Variants in RELCH observed in about 807,000 individuals in gnomAD.
The protein encoded by RELCH is RAB11-binding protein RELCH.
In RELCH, 41 loss-of-function variants were observed where a neutral mutation model predicts 150.3. That is an observed-to-expected ratio of 0.27 (90% CI 0.21 to 0.35). The LOEUF (loss-of-function observed/expected upper bound fraction) is 0.35. RELCH is among the 10% of genes least tolerant of loss of function. The pLI, the probability that RELCH is intolerant of heterozygous loss-of-function variation, is 1.00. For synonymous variants in RELCH, 478 were observed against 531.8 expected (o/e 0.90, Z 1.39); for missense variants, 1,092 against 1,467.8 (o/e 0.74, Z 4.18).
At chr18:62,225,917 C>T (rs1183067310) in intron 5 of RELCH, among the ~76,000 whole-genome samples, 1 of 151,754 alleles carries the variant, frequency 6.6e-6, no homozygotes, top group East Asian at 1.9e-4. Flanking sequence ...ATATTTTACT[C>T]ATTTTACAGA....
At chr18:62,266,596 C>A in intron 18 of RELCH, 105 bp from the exon 19 acceptor site, 3 of 648,574 alleles carry the variant, frequency 4.6e-6, no homozygotes, top group Non-Finnish European at 8.1e-6. Flanking sequence ...ATCTATAAAG[C>A]TAAATAAATA....
In RELCH at chr18:62,187,829, G is replaced by A; in HGVS notation, c.324G>A (p.Leu108=). 1 of 1,591,748 alleles carries A rather than the reference G, an allele frequency of 6.3e-7. No individual in the cohort carries two copies. Among genetic ancestry groups the A allele is most frequent in the Non-Finnish European group, 8.6e-7 (1 of 1,169,134 alleles). ...AGCTGTTGCGCGATCAATACTTGCT[G>A]ACCGCCCTGGAGCTGCATACCGAGC... The part of the protein sequence containing the change: ...AAQLLRDQYL[L]TALELHTELL... The change falls in exon 1 of 29, where the codon CTG becomes CTA. Residue 108 remains leucine, a synonymous_variant. Coordinates refer to ENST00000644646, the MANE Select transcript of RELCH (RefSeq NM_001346231.2).
In RELCH at chr18:62,221,095, G is replaced by C; in HGVS notation, c.675G>C (p.Leu225=). The C allele has an allele frequency of 6.2e-7, 1 of 1,613,380 alleles. No homozygotes were observed. The highest frequency in any genetic ancestry group is 8.5e-7 in the Non-Finnish European group (1 of 1,179,558). Residue 225 remains leucine (L), a synonymous_variant, in exon 3 of 29, where the codon CTG becomes CTC. Transcript: ENST00000644646. ...CCATTCAGGCCCTCCGAGCCAACCT[G>C]ACAAAGGCCGCAGGTGGTGTACATA... ...KETIQALRAN[L]TKAAEHEVPL...
intron 1 of RELCH, among the ~76,000 whole-genome samples, chr18:62,203,985 A>C (rs1371687603): frequency 2.0e-5 from 3 of 152,154 alleles, no homozygotes; most frequent in Non-Finnish European, 4.4e-5. Context: ...TCTCAAAAAA[A>C]CAGCAAGATA....
rs770308118 is a variant in RELCH at position 62,244,879 on chromosome 18, G to A, written c.1733+3G>A. 80 of 1,570,260 alleles carry A rather than the reference G, an allele frequency of 5.1e-5. No individual in the cohort carries two copies. In the South Asian group the frequency reaches 8.5e-4, roughly 17 times the overall value. On this transcript the variant is annotated splice_donor_region_variant and intron_variant, in intron 11 of 28. Coordinates refer to ENST00000644646, the MANE Select transcript of RELCH (RefSeq NM_001346231.2). ...AAGAGGCCAGATGATGAGCAAAGGT[G>A]GGTATGATTACATATGTGAAAAAGA...
intron 22 of RELCH, 47 bp from the exon 23 acceptor site, chr18:62,279,727 C>T (rs1432635823): frequency 3.9e-6 from 5 of 1,280,354 alleles, no homozygotes; most frequent in Non-Finnish European, 4.4e-6. Context: ...ACTGTGTTTG[C>T]TCTTTCCGTG....
chr18:62,269,092 T>C, intron 20 of RELCH, 144 bp downstream of exon 20: 1 of 429,484 alleles, frequency 2.3e-6, no homozygotes, highest in Non-Finnish European at 4.2e-6. Flanking sequence ...TTATAATGGA[T>C]AGCATATTTG....
chr18:62,283,338 T>C (rs1431299554), intron 25 of RELCH, among the ~76,000 whole-genome samples: 2 of 152,210 alleles, frequency 1.3e-5, no homozygotes, highest in African/African-American at 4.8e-5. Flanking sequence ...CACAATTTCT[T>C]TGGATAGCAT....
intron 25 of RELCH, chr18:62,286,087 C>T (rs1475052132): frequency 6.6e-6 from 1 of 152,200 alleles, no homozygotes; most frequent in East Asian, 1.9e-4. Flanking sequence ...GTGATTGTTG[C>T]ATTTCTGAGA....
At position 62,244,513 on chromosome 18, in the gene RELCH, A is replaced by G. The variant is rs755227853; in HGVS notation, c.1621-251A>G. ...CTAGTGGGCCCTTGGGAAGTACTAG[A>G]TTAAAAACCAAGGCTAGTTGAATCT... is the stretch of plus-strand genomic sequence containing the variant. On this transcript the variant is annotated intron_variant, in intron 10 of 28. Coordinates refer to ENST00000644646, the MANE Select transcript of RELCH (RefSeq NM_001346231.2). 1.4e-4 allele frequency among the ~76,000 whole-genome samples: 22 copies of G among 152,336 alleles called. No individual in the cohort carries two copies. In the South Asian group the frequency reaches 2.1e-3, roughly 14 times the overall value.
intron 27 of RELCH, among the ~76,000 whole-genome samples, chr18:62,297,240 A>G (rs1008344520): frequency 2.6e-5 from 4 of 152,200 alleles, no homozygotes; most frequent in African/African-American, 9.7e-5. Flanking sequence ...GCTGGCTGTC[A>G]GGTTTATACC....
intron 25 of RELCH, among the ~76,000 whole-genome samples, chr18:62,283,321 T>G (rs978443357): frequency 6.6e-6 from 1 of 152,208 alleles, no homozygotes; most frequent in South Asian, 2.1e-4. Context: ...GCCTCAACAT[T>G]TATGGCCACA....
intron 1 of RELCH, among the ~76,000 whole-genome samples, chr18:62,206,351 A>C (rs2039777547): frequency 6.6e-6 from 1 of 152,256 alleles, no homozygotes. Flanking sequence ...AACAGTGTTT[A>C]AGAAGAATGA....
chr18:62,279,686 C>G, intron 22 of RELCH, 88 bp from the exon 23 acceptor site: 3 of 839,410 alleles, frequency 3.6e-6, no homozygotes, highest in East Asian at 5.5e-5. Flanking sequence ...CTCTCTTTCT[C>G]TTGGTTGTTC....
chr18:62,205,956 C>T (rs894919470), intron 1 of RELCH, among the ~76,000 whole-genome samples: 2 of 152,018 alleles, frequency 1.3e-5, no homozygotes, highest in East Asian at 1.9e-4. Flanking sequence ...CCCAGGAAGT[C>T]GAGACTGCAG....
At chr18:62,239,888 C>G (rs1171267232) in intron 10 of RELCH, among the ~76,000 whole-genome samples, 1 of 151,940 alleles carries the variant, frequency 6.6e-6, no homozygotes, top group Non-Finnish European at 1.5e-5. Flanking sequence ...GCCTTCTGTG[C>G]TATGTATTAA....
At position 62,259,319 on chromosome 18, in the gene RELCH, G is replaced by A. The variant is rs1461748115; in HGVS notation, c.2202+643G>A. 7.9e-5 allele frequency among the ~76,000 whole-genome samples: 12 copies of A among 151,694 alleles called. No individual in the cohort carries two copies. In the East Asian group the frequency reaches 2.1e-3, roughly 27 times the overall value. On this transcript the variant is annotated intron_variant, in intron 15 of 28. Transcript: ENST00000644646. ...TAGCATGAAATGCTGCTGGGTTAGC[G>A]TTTGAGCATTTCTATATGCCAACAG...
intron 15 of RELCH, 141 bp from the exon 16 acceptor site, chr18:62,261,370 G>A: frequency 1.7e-6 from 1 of 581,096 alleles, no homozygotes. Flanking sequence ...CCACTCTAGA[G>A]TGCCTTACTG....
intron 1 of RELCH, among the ~76,000 whole-genome samples, chr18:62,194,474 AAAG>A (rs1054638675): frequency 2.0e-5 from 3 of 152,224 alleles, no homozygotes; most frequent in African/African-American, 7.2e-5. Flanking sequence ...ATAAAGGAGA[AAAG>A]AAATATTTCT....
Sources: gnomAD v4.1 joint callset for allele counts (sites outside exome capture counted in the v4.1 genomes callset) on GRCh38, gnomAD v4.1.1 for gene constraint, MANE v1.5 for transcripts, NCBI Gene and HGNC (gene_info 2026-07-23, HGNC 2026-07-21) for gene names.